Variants in SLC24A2 observed in about 807,000 individuals in gnomAD.
SLC24A2 encodes the protein solute carrier family 24 member 2.
A neutral mutation model predicts 62.0 loss-of-function variants in SLC24A2; 36 were observed. The ratio of observed to expected loss-of-function variants is 0.58; its 90% CI spans 0.44 to 0.77. The LOEUF is 0.77. SLC24A2 is among the 30% of genes least tolerant of loss of function. The pLI is 0.00. For synonymous variants in SLC24A2, 358 were observed against 294.0 expected (o/e 1.22, Z -2.23); for missense variants, 846 against 817.9 (o/e 1.03, Z -0.42).
intron 2 of SLC24A2, among the ~76,000 whole-genome samples, chr9:19,771,056 A>G (rs1489657381): frequency 6.6e-6 from 1 of 152,232 alleles, no homozygotes; most frequent in Non-Finnish European, 1.5e-5. Flanking sequence ...AATAACCAAA[A>G]GCAAGTATTG....
At chr9:19,683,220 C>A (rs899194079) in intron 2 of SLC24A2, among the ~76,000 whole-genome samples, 2 of 152,228 alleles carry the variant, frequency 1.3e-5, no homozygotes, top group South Asian at 4.2e-4. Context: ...GAAAGCAAAT[C>A]CCCCACAGGC....
the SLC24A2 span, among the ~76,000 whole-genome samples, chr9:20,216,850 G>A: frequency 4.6e-4 from 70 of 152,198 alleles, no homozygotes; most frequent in African/African-American, 1.6e-3. Context: ...TAATAGTCAC[G>A]ATTGGTTGTT....
At chr9:19,596,790 G>A (rs952503907) in intron 5 of SLC24A2, among the ~76,000 whole-genome samples, 30 of 152,250 alleles carry the variant, frequency 2.0e-4, no homozygotes, top group African/African-American at 7.2e-4. Context: ...AGCTGGTTCT[G>A]GGTATAGAAG....
intron 8 of SLC24A2, among the ~76,000 whole-genome samples, chr9:19,548,570 C>T (rs1449389735): frequency 6.6e-6 from 1 of 152,188 alleles, no homozygotes; most frequent in Non-Finnish European, 1.5e-5. Context: ...CATCCTCTTG[C>T]CAATCTGAGT....
At chr9:20,022,874 A>G in the SLC24A2 span, among the ~76,000 whole-genome samples, 1 of 152,250 alleles carries the variant, frequency 6.6e-6, no homozygotes, top group Admixed American at 6.5e-5. Flanking sequence ...AATATCTGCT[A>G]TGTGGGAGGC....
the SLC24A2 span, among the ~76,000 whole-genome samples, chr9:20,272,093 T>C: frequency 6.6e-6 from 1 of 152,220 alleles, no homozygotes; most frequent in Non-Finnish European, 1.5e-5. Flanking sequence ...CCTAAATAAT[T>C]GTCCTGCCTG....
upstream of SLC24A2, among the ~76,000 whole-genome samples, chr9:19,791,496 G>T (rs1017786226): frequency 2.6e-5 from 4 of 152,234 alleles, no homozygotes; most frequent in Admixed American, 6.5e-5. Context: ...CTCCTACACA[G>T]TTCCAAAGCA....
chr9:20,223,631 A>T, the SLC24A2 span, among the ~76,000 whole-genome samples: 1 of 152,190 alleles, frequency 6.6e-6, no homozygotes, highest in Admixed American at 6.6e-5. Flanking sequence ...TGAATAGACA[A>T]ATACATCAAT....
the SLC24A2 span, among the ~76,000 whole-genome samples, chr9:19,913,730 T>C: frequency 6.6e-6 from 1 of 152,084 alleles, no homozygotes; most frequent in Admixed American, 6.6e-5. Flanking sequence ...CTTTGCTAGG[T>C]ATAAGAGAAA....
At chr9:20,121,560 G>A in the SLC24A2 span, among the ~76,000 whole-genome samples, 1 of 152,018 alleles carries the variant, frequency 6.6e-6, no homozygotes, top group African/African-American at 2.4e-5. Context: ...AGTTACCCAG[G>A]AATACAAATT....
the SLC24A2 span, among the ~76,000 whole-genome samples, chr9:20,039,115 G>T: frequency 6.6e-6 from 1 of 152,192 alleles, no homozygotes; most frequent in Non-Finnish European, 1.5e-5. Flanking sequence ...TAGACAGAAG[G>T]GGGAAAGGAG....
chr9:20,128,107 A>T, the SLC24A2 span, among the ~76,000 whole-genome samples: 1 of 151,890 alleles, frequency 6.6e-6, no homozygotes, highest in African/African-American at 2.4e-5. Context: ...TTTCAGGGGG[A>T]CCCACATCCC....
the SLC24A2 span, among the ~76,000 whole-genome samples, chr9:20,061,265 T>C: frequency 1.3e-5 from 2 of 151,786 alleles, no homozygotes; most frequent in Non-Finnish European, 2.9e-5. Flanking sequence ...TCTAGAAATA[T>C]GTCTTATGTT....
At chr9:19,525,765 G>GT (rs71496823) in intron 9 of SLC24A2, among the ~76,000 whole-genome samples, 3,219 of 98,670 alleles carry the variant, frequency 0.033, 49 homozygotes, top group African/African-American at 0.04. Flanking sequence ...ACATGCTACT[G>GT]TTTTTTTTTT....
chr9:19,837,039 A>G, the SLC24A2 span, among the ~76,000 whole-genome samples: 1 of 152,208 alleles, frequency 6.6e-6, no homozygotes, highest in Non-Finnish European at 1.5e-5. Context: ...CCTTCATGCT[A>G]AAAACTCTCA....
At chr9:19,554,353 A>G (rs1191539663) in intron 7 of SLC24A2, among the ~76,000 whole-genome samples, 1 of 152,222 alleles carries the variant, frequency 6.6e-6, no homozygotes, top group Non-Finnish European at 1.5e-5. Flanking sequence ...TAGCATTTAC[A>G]TTGCATTAGG....
At chr9:19,525,214 A>G (rs1833377904) in intron 9 of SLC24A2, among the ~76,000 whole-genome samples, 1 of 152,142 alleles carries the variant, frequency 6.6e-6, no homozygotes, top group Admixed American at 6.5e-5. Context: ...TAACTGTGAT[A>G]TGAATAATAT....
At chr9:20,296,913 T>C in the SLC24A2 span, among the ~76,000 whole-genome samples, 1 of 152,266 alleles carries the variant, frequency 6.6e-6, no homozygotes, top group South Asian at 2.1e-4. Flanking sequence ...AACTAGTCTG[T>C]TCTGTAAAGC....
At chr9:19,794,991 G>A in the SLC24A2 span, among the ~76,000 whole-genome samples, 1 of 152,206 alleles carries the variant, frequency 6.6e-6, no homozygotes, top group Non-Finnish European at 1.5e-5. Context: ...GAAAAGAGGA[G>A]CCATGTGCCT....
Sources: allele counts gnomAD v4.1 joint callset (sites outside exome capture counted in the v4.1 genomes callset), GRCh38; gene constraint gnomAD v4.1.1; transcripts MANE v1.5; gene names NCBI Gene and HGNC (gene_info 2026-07-23, HGNC 2026-07-21).